NFASC: variants seen among roughly 807,000 people sequenced by gnomAD.
NFASC encodes neurofascin homolog.
A neutral mutation model predicts 147.5 loss-of-function variants in NFASC; 43 were observed. That is an observed-to-expected ratio of 0.29 (90% confidence interval 0.23 to 0.38). The LOEUF is 0.38. Among genes scored for constraint, NFASC ranks in the 10% least tolerant of loss-of-function variants. The pLI is 1.00. For synonymous variants in NFASC, 622 were observed against 665.5 expected (o/e 0.93, Z 1.01); for missense variants, 1,320 against 1,689.0 (o/e 0.78, Z 3.83).
Position 204,954,962 on chromosome 1 carries a change from GGGGCCT to G in NFASC, c.535+14_535+19del. On this transcript the variant is annotated intron_variant, in intron 7 of 29. Coordinates refer to ENST00000339876, the MANE Select transcript of NFASC (RefSeq NM_001005388.3). The surrounding 1 kb of genome is among the most constrained non-coding windows in gnomAD (Gnocchi z 5.7). ...TCTGGATGAGCAGCTGTGAGTCTTG[GGGGCCT>G]GGTGTTGTGTTTATATCTTAACCTT... The G allele has an allele frequency of 1.9e-6, 3 of 1,614,030 alleles. No homozygotes were observed. The highest frequency in any genetic ancestry group is 2.5e-6 in the Non-Finnish European group (3 of 1,179,974).
rs894704445 is a variant in NFASC at position 204,986,489 on chromosome 1, A to G, written c.2471-929A>G. On this transcript the variant is annotated intron_variant, in intron 21 of 29. Coordinates refer to ENST00000339876, the MANE Select transcript of NFASC (RefSeq NM_001005388.3). The surrounding 1 kb of genome is among the most constrained non-coding windows in gnomAD (Gnocchi z 4.2). The stretch of plus-strand genomic sequence containing the variant: ...TCTGATTTGTTTGCCAGCACCCAAC[A>G]CCTTCACGGTTCTCCCCCCACGTTC... Among the ~76,000 whole-genome samples the G allele has an allele frequency of 5.9e-5, 9 of 151,958 alleles. No homozygotes were observed. Among genetic ancestry groups the G allele is most frequent in the African/African-American group, 2.2e-4 (9 of 41,356 alleles).
rs1490786705 is a variant in NFASC, at chr1:204,988,780, A to C, written c.2741A>C (p.Glu914Ala). ...TQVGSGEAVT[E>A]ESPAPPNEAT... Reference sequence around the variant, plus strand: ...GTGGGCTCTGGGGAAGCCGTCACAGAGGAGTCACCAGCACCCCCGAATGAA... The same window carrying C: ...GTGGGCTCTGGGGAAGCCGTCACAGCGGAGTCACCAGCACCCCCGAATGAA... Residue 914 changes from glutamate (E) to alanine (A), a missense_variant, in exon 23 of 30, where the codon GAG becomes GCG. Coordinates refer to ENST00000339876, the MANE Select transcript of NFASC (RefSeq NM_001005388.3). 6.2e-7 allele frequency: 1 copy of C among 1,613,914 alleles called. No individual in the cohort carries two copies. The highest frequency in any genetic ancestry group is 1.3e-5 in the African/African-American group (1 of 74,854).
At chr1:204,837,385 A>C (rs558531883) in intron 1 of NFASC, among the ~76,000 whole-genome samples, 2 of 152,226 alleles carry the variant, frequency 1.3e-5, no homozygotes, top group Non-Finnish European at 2.9e-5. Context: ...GTGGTCAGGC[A>C]TGGTGAATTG....
At chr1:204,991,031 T>A (rs2095718436) in intron 23 of NFASC, among the ~76,000 whole-genome samples, 4 of 152,086 alleles carry the variant, frequency 2.6e-5, no homozygotes, top group African/African-American at 9.7e-5. Context: ...GTAGAAACAG[T>A]GTGTTAGAAA....
chr1:204,978,831 T>A (rs1025448738), intron 17 of NFASC, 137 bp from the exon 18 acceptor site: 1 of 622,550 alleles, frequency 1.6e-6, no homozygotes, highest in African/African-American at 1.8e-5. Flanking sequence ...GTCCCTGTGC[T>A]CACCCCTCAG....
chr1:204,903,064 A>C (rs1328395062), intron 1 of NFASC, among the ~76,000 whole-genome samples: 1 of 152,238 alleles, frequency 6.6e-6, no homozygotes, highest in Non-Finnish European at 1.5e-5. Flanking sequence ...TCTGAGGACC[A>C]GAATTATGTC....
chr1:204,947,890 G>A (rs568879238), intron 3 of NFASC, among the ~76,000 whole-genome samples: 4 of 151,578 alleles, frequency 2.6e-5, no homozygotes, highest in East Asian at 1.9e-4. Flanking sequence ...ATACACTCAC[G>A]CTCACACCTG....
intron 1 of NFASC, among the ~76,000 whole-genome samples, chr1:204,876,097 G>A (rs1278168237): frequency 1.3e-5 from 2 of 152,112 alleles, no homozygotes; most frequent in Non-Finnish European, 1.5e-5. Context: ...ATTTCTTAGA[G>A]ATTTTTTGTT....
intron 24 of NFASC, among the ~76,000 whole-genome samples, chr1:204,995,828 C>T (rs1177019020): frequency 6.6e-6 from 1 of 152,116 alleles, no homozygotes; most frequent in African/African-American, 2.4e-5. Flanking sequence ...CTTTCTCTGG[C>T]ATCCCTCCCT....
rs1054503012 is a variant in NFASC at position 204,957,841 on chromosome 1, C to G, written c.706+15C>G. The G allele has an allele frequency of 1.9e-6, 3 of 1,613,730 alleles. No individual in the cohort carries two copies. The highest frequency in any genetic ancestry group is 2.5e-6 in the Non-Finnish European group (3 of 1,179,692). On this transcript the variant is annotated intron_variant, in intron 8 of 29. Coordinates refer to ENST00000339876, the MANE Select transcript of NFASC (RefSeq NM_001005388.3). ...GGTCCTCACCAGTAAGTGAAGGCCCCTGTCCCGGGGCTGGGGGCCAAAGAA... is the reference window on the plus strand; with the variant it reads ...GGTCCTCACCAGTAAGTGAAGGCCCGTGTCCCGGGGCTGGGGGCCAAAGAA...
At chr1:204,854,129 C>T (rs11240293) in intron 1 of NFASC, among the ~76,000 whole-genome samples, 29,217 of 151,426 alleles carry the variant, frequency 0.19, 4,424 homozygotes, top group East Asian at 0.52. Flanking sequence ...CATAGACTCT[C>T]AGCAAGAGCC....
intron 2 of NFASC, among the ~76,000 whole-genome samples, chr1:204,921,023 C>T (rs1242269028): frequency 1.3e-5 from 2 of 152,166 alleles, no homozygotes; most frequent in African/African-American, 4.8e-5. Flanking sequence ...CCAATGTCCA[C>T]CTAATTGAAA....
At chr1:204,943,375 C>T (rs1377753203) in intron 2 of NFASC, among the ~76,000 whole-genome samples, 3 of 152,172 alleles carry the variant, frequency 2.0e-5, no homozygotes, top group Non-Finnish European at 4.4e-5. Flanking sequence ...ATTTTTAACA[C>T]CATCCCTGTA....
intron 11 of NFASC, among the ~76,000 whole-genome samples, chr1:204,972,732 T>A (rs1374428091): frequency 6.6e-6 from 1 of 152,210 alleles, no homozygotes; most frequent in East Asian, 1.9e-4. Context: ...AGGTGGTAGG[T>A]TCTGTCTATT....
intron 1 of NFASC, among the ~76,000 whole-genome samples, chr1:204,864,767 T>G (rs1393087607): frequency 1.3e-5 from 2 of 152,208 alleles, no homozygotes; most frequent in African/African-American, 4.8e-5. Context: ...TTTTAGGAGT[T>G]CCTGATATAG....
At chr1:204,957,853 T>G in intron 8 of NFASC, 27 bp downstream of exon 8, 1 of 1,610,704 alleles carries the variant, frequency 6.2e-7, no homozygotes, top group South Asian at 1.1e-5. Context: ...GTCCCGGGGC[T>G]GGGGGCCAAA....
At chr1:205,002,502 C>A in intron 26 of NFASC, 94 bp from the exon 27 acceptor site, 1 of 1,097,050 alleles carries the variant, frequency 9.1e-7, no homozygotes, top group Non-Finnish European at 1.2e-6. Flanking sequence ...CCTTCCCCCA[C>A]ACTTTCTACC....
chr1:205,010,735 C>T lies in NFASC; in HGVS notation c.3421+1047C>T, dbSNP rs186278597. 1 of 152,286 alleles carries T rather than the reference C, an allele frequency of 6.6e-6. No individual in the cohort carries two copies. The highest frequency in any genetic ancestry group is 2.4e-5 in the African/African-American group (1 of 41,550). The allele number at this position is 152,286 out of a possible 1,614,324, so 9.4% of individuals were successfully genotyped here. A position where few individuals can be genotyped will look rare whatever the true frequency, so the allele number is the denominator to read the frequency against. On this transcript the variant is annotated intron_variant, in intron 28 of 29. Coordinates refer to ENST00000339876, the MANE Select transcript of NFASC (RefSeq NM_001005388.3). This position sits in a 1 kb window ranked among gnomAD's most constrained non-coding sequence, Gnocchi z 4.1. Reference sequence around the variant, plus strand: ...TGGCCAACATGGTGAAACCCAATCTCTACCAAAAATACAAAAAATTAGCTG... The same window carrying T: ...TGGCCAACATGGTGAAACCCAATCTTTACCAAAAATACAAAAAATTAGCTG...
At chr1:205,004,061 G>C (rs553573913) in intron 27 of NFASC, among the ~76,000 whole-genome samples, 1 of 152,262 alleles carries the variant, frequency 6.6e-6, no homozygotes, top group Non-Finnish European at 1.5e-5. Context: ...AGAGCAAGTG[G>C]CTGGACTCTG....
Sources: allele counts gnomAD v4.1 joint callset (sites outside exome capture counted in the v4.1 genomes callset), GRCh38; gene constraint gnomAD v4.1.1; non-coding constraint Gnocchi (gnomAD v3.1); transcripts MANE v1.5; gene names NCBI Gene and HGNC (gene_info 2026-07-23, HGNC 2026-07-21).